Variants in RXFP2 observed in about 807,000 individuals in gnomAD.
RXFP2 encodes the protein relaxin family peptide receptor 2, also known as relaxin receptor 2.
In RXFP2, 68 loss-of-function variants were observed where a neutral mutation model predicts 88.6. The observed-to-expected ratio is 0.77, with a 90% CI of 0.63 to 0.94. The LOEUF is 0.94. Among genes scored for constraint, RXFP2 ranks in the 40% least tolerant of loss-of-function variants. RXFP2 has a pLI of 0.00. For missense variants in RXFP2, 791 were observed against 893.9 expected (o/e 0.88, Z 1.47); for synonymous variants, 329 against 306.8 (o/e 1.07, Z -0.76).
intron 1 of RXFP2, among the ~76,000 whole-genome samples, chr13:31,746,012 G>T (rs1286212735): frequency 6.6e-6 from 1 of 152,226 alleles, no homozygotes; most frequent in East Asian, 1.9e-4. Flanking sequence ...CCTTGACCTT[G>T]ACTGGCGTTT....
chr13:31,740,380 C>T (rs1008925613), intron 1 of RXFP2, among the ~76,000 whole-genome samples: 12 of 152,086 alleles, frequency 7.9e-5, no homozygotes, highest in African/African-American at 2.9e-4. Context: ...ACGTTGTCAG[C>T]CTATACATTC....
At chr13:31,781,841 T>C (rs555458945) in intron 10 of RXFP2, 99 bp downstream of exon 10, 1 of 918,608 alleles carries the variant, frequency 1.1e-6, no homozygotes, top group East Asian at 2.5e-5. Flanking sequence ...GTGTTTTGTT[T>C]ACAGCCTTGG....
At chr13:31,777,342 A>G in intron 7 of RXFP2, 34 bp from the exon 8 acceptor site, 1 of 1,491,196 alleles carries the variant, frequency 6.7e-7, no homozygotes, top group Non-Finnish European at 9.3e-7. Context: ...AAATGTCTCT[A>G]ATATTGGAAA....
chr13:31,764,650 T>G (rs1461484303), intron 3 of RXFP2, among the ~76,000 whole-genome samples: 1 of 152,242 alleles, frequency 6.6e-6, no homozygotes, highest in East Asian at 1.9e-4. Context: ...TAAGGATTTA[T>G]TGAGCAACTA....
chr13:31,776,932 T>C (rs1169545934), intron 7 of RXFP2, among the ~76,000 whole-genome samples: 13 of 152,196 alleles, frequency 8.5e-5, no homozygotes, highest in Admixed American at 7.9e-4. Flanking sequence ...AAACACACCT[T>C]ATTTAATACA....
chr13:31,750,348 T>G (rs969576943), intron 1 of RXFP2, among the ~76,000 whole-genome samples: 10 of 152,188 alleles, frequency 6.6e-5, no homozygotes, highest in Non-Finnish European at 1.0e-4. Context: ...TCTTTTCTTC[T>G]GTAGGTATAG....
intron 17 of RXFP2, among the ~76,000 whole-genome samples, chr13:31,797,881 A>G (rs1056147635): frequency 1.3e-5 from 2 of 152,158 alleles, no homozygotes; most frequent in Non-Finnish European, 2.9e-5. Context: ...GGAGCACGAG[A>G]TATTTCCTGA....
In RXFP2 at chr13:31,797,446, A is replaced by G. The variant is rs767443754; in HGVS notation, c.2005+27A>G. ...TCAGTCTCTTCTATCATTCCCAAGTATAATACATCGTGCCTTCTTACGTCC... is the reference window on the plus strand; with the variant it reads ...TCAGTCTCTTCTATCATTCCCAAGTGTAATACATCGTGCCTTCTTACGTCC... On this transcript the variant is annotated intron_variant, in intron 17 of 17. Transcript: ENST00000298386. 6 of 1,529,900 alleles carry G rather than the reference A, an allele frequency of 3.9e-6. No homozygotes were observed. In the South Asian group the frequency reaches 6.7e-5, roughly 17 times the overall value. The allele number at this position is 1,529,900 out of a possible 1,614,324, so 94.8% of individuals were successfully genotyped here. A position where few individuals can be genotyped will look rare whatever the true frequency, so the allele number is the denominator to read the frequency against.
intron 13 of RXFP2, 140 bp downstream of exon 13, chr13:31,786,777 A>G (rs1873565578): frequency 5.0e-6 from 3 of 597,692 alleles, no homozygotes; most frequent in East Asian, 3.0e-5. Context: ...TCAAGTACAT[A>G]CTGAATGACA....
intron 5 of RXFP2, among the ~76,000 whole-genome samples, chr13:31,772,240 C>T (rs1051319403): frequency 2.6e-5 from 4 of 152,300 alleles, no homozygotes; most frequent in African/African-American, 9.6e-5. Context: ...TTAGGAATTC[C>T]TTCTTAATCT....
At chr13:31,754,200 A>G (rs1202954884) in intron 1 of RXFP2, among the ~76,000 whole-genome samples, 1 of 152,194 alleles carries the variant, frequency 6.6e-6, no homozygotes, top group African/African-American at 2.4e-5. Flanking sequence ...CGTTCTGCAT[A>G]TGTGAGATGG....
intron 5 of RXFP2, among the ~76,000 whole-genome samples, chr13:31,769,018 C>T (rs1872646198): frequency 6.6e-6 from 1 of 152,168 alleles, no homozygotes; most frequent in African/African-American, 2.4e-5. Flanking sequence ...CAGTAGCTAG[C>T]AAGACCCACA....
intron 16 of RXFP2, among the ~76,000 whole-genome samples, chr13:31,793,875 C>G (rs1182535278): frequency 6.6e-6 from 1 of 152,184 alleles, no homozygotes; most frequent in Non-Finnish European, 1.5e-5. Flanking sequence ...TCCTTCCAGT[C>G]TCTACCCACT....
Position 31,774,674 on chromosome 13 carries a change from A to G in RXFP2, c.552A>G (p.Leu184=). 3 of 1,527,680 alleles carry G rather than the reference A, an allele frequency of 2.0e-6. No homozygotes were observed. The highest frequency in any genetic ancestry group is 2.7e-6 in the Non-Finnish European group (3 of 1,101,360). 94.6% of individuals were successfully genotyped at this position (1,527,680 alleles called of 1,614,324 possible). The part of the protein sequence containing the change: ...RHISRKAFFG[L]CNLQILYLNH... ...TATCCAGGAAAGCATTTTTTGGATT[A>G]TGTAATCTGCAAATATTGTGAGTAA... The change falls in exon 6 of 18, where the codon TTA becomes TTG. Residue 184 remains leucine (L), a synonymous_variant. Coordinates refer to ENST00000298386, the MANE Select transcript of RXFP2 (RefSeq NM_130806.5).
chr13:31,789,006 C>T, intron 13 of RXFP2, 116 bp from the exon 14 acceptor site: 1 of 738,304 alleles, frequency 1.4e-6, no homozygotes, highest in Non-Finnish European at 2.4e-6. Context: ...AACTTTCATT[C>T]TAATCTGCAT....
chr13:31,796,025 T>C (rs1346424498), intron 16 of RXFP2, among the ~76,000 whole-genome samples: 1 of 150,826 alleles, frequency 6.6e-6, no homozygotes, highest in Non-Finnish European at 1.5e-5. Flanking sequence ...ACATTTTTGT[T>C]CTATGTGTTA....
intron 1 of RXFP2, among the ~76,000 whole-genome samples, chr13:31,751,458 A>C (rs988354960): frequency 1.3e-5 from 2 of 152,204 alleles, no homozygotes; most frequent in African/African-American, 4.8e-5. Flanking sequence ...CAAAAGAAGA[A>C]TCCAGGGACC....
intron 1 of RXFP2, among the ~76,000 whole-genome samples, chr13:31,748,792 C>G (rs1253604119): frequency 1.3e-5 from 2 of 152,104 alleles, no homozygotes; most frequent in Non-Finnish European, 1.5e-5. Flanking sequence ...CGAGACCTAC[C>G]TGGCCAACAT....
intron 1 of RXFP2, among the ~76,000 whole-genome samples, chr13:31,744,025 C>T (rs531150050): frequency 6.6e-6 from 1 of 152,330 alleles, no homozygotes; most frequent in South Asian, 2.1e-4. Context: ...AGCTCCCTCC[C>T]CAGGGGCTTC....
Sources: allele counts gnomAD v4.1 joint callset (sites outside exome capture counted in the v4.1 genomes callset), GRCh38; gene constraint gnomAD v4.1.1; transcripts MANE v1.5; gene names NCBI Gene and HGNC (gene_info 2026-07-23, HGNC 2026-07-21).